The following SCAPER variants were observed in gnomAD, a reference collection of about 807,000 sequenced individuals.
The protein encoded by SCAPER is S-phase cyclin A associated protein in the ER.
In SCAPER, 98 loss-of-function variants were observed where a neutral mutation model predicts 182.2. The observed-to-expected ratio is 0.54, with a 90% confidence interval of 0.46 to 0.64. The LOEUF is 0.64. SCAPER is among the 30% of genes least tolerant of loss of function. The pLI, the probability that SCAPER is intolerant of heterozygous loss-of-function variation, is 0.00. For missense variants in SCAPER, 1,432 were observed against 1,690.0 expected (o/e 0.85, Z 2.68); for synonymous variants, 605 against 564.6 (o/e 1.07, Z -1.01).
chr15:76,553,249 T>C (rs985445761), intron 23 of SCAPER, among the ~76,000 whole-genome samples: 3 of 152,234 alleles, frequency 2.0e-5, no homozygotes, highest in African/African-American at 7.2e-5. Context: ...CAAGTGCCTG[T>C]GCAGATGCCA....
intron 17 of SCAPER, among the ~76,000 whole-genome samples, chr15:76,706,684 C>A (rs1361974862): frequency 6.6e-6 from 1 of 152,054 alleles, no homozygotes; most frequent in Non-Finnish European, 1.5e-5. Context: ...ATACTGAAAA[C>A]AGGAAGTTTA....
chr15:76,523,902 C>T (rs2043000208), intron 23 of SCAPER, among the ~76,000 whole-genome samples: 1 of 152,020 alleles, frequency 6.6e-6, no homozygotes. Context: ...TTCACTTAAC[C>T]TCTCCTACCT....
intron 21 of SCAPER, 28 bp downstream of exon 21, chr15:76,665,625 C>T: frequency 6.4e-7 from 1 of 1,555,490 alleles, no homozygotes; most frequent in Non-Finnish European, 8.6e-7. Context: ...AAAAGTTTTT[C>T]TTTTGCTTTT....
intron 8 of SCAPER, among the ~76,000 whole-genome samples, chr15:76,787,808 G>T (rs2064721502): frequency 1.3e-5 from 2 of 152,086 alleles, no homozygotes; most frequent in Non-Finnish European, 2.9e-5. Context: ...GGTAGACAAT[G>T]AATTCTTAGA....
intron 14 of SCAPER, among the ~76,000 whole-genome samples, chr15:76,759,063 T>C (rs1036055702): frequency 6.6e-6 from 1 of 152,176 alleles, no homozygotes; most frequent in African/African-American, 2.4e-5. Context: ...ATATAATGCA[T>C]TCATTTCTTC....
intron 23 of SCAPER, among the ~76,000 whole-genome samples, chr15:76,566,255 G>A (rs1271301613): frequency 1.3e-5 from 2 of 152,100 alleles, no homozygotes; most frequent in Non-Finnish European, 2.9e-5. Context: ...AATTTTACAA[G>A]ATAAGTTTTG....
At chr15:76,481,626 C>T (rs1238240275) in intron 24 of SCAPER, among the ~76,000 whole-genome samples, 1 of 152,162 alleles carries the variant, frequency 6.6e-6, no homozygotes, top group Non-Finnish European at 1.5e-5. Flanking sequence ...CCACTCAGGT[C>T]CAGAATTTTG....
chr15:76,384,179 T>C (rs2043146697), intron 27 of SCAPER, among the ~76,000 whole-genome samples: 1 of 152,198 alleles, frequency 6.6e-6, no homozygotes, highest in Admixed American at 6.5e-5. Context: ...CAGAAGATAT[T>C]TCTCCCTAAA....
chr15:76,504,686 G>A (rs1230285072), intron 24 of SCAPER, among the ~76,000 whole-genome samples, 173 bp downstream of exon 24: 1 of 152,184 alleles, frequency 6.6e-6, no homozygotes, highest in Non-Finnish European at 1.5e-5. Context: ...CTCAATTTGA[G>A]TTTCGTAAGT....
intron 20 of SCAPER, among the ~76,000 whole-genome samples, chr15:76,676,874 A>C (rs1408735004): frequency 2.0e-5 from 3 of 150,796 alleles, no homozygotes; most frequent in Non-Finnish European, 4.4e-5. Context: ...TTCTACAATA[A>C]ATATATATTA....
At chr15:76,719,636 T>C (rs977297055) in intron 17 of SCAPER, among the ~76,000 whole-genome samples, 28 of 152,176 alleles carry the variant, frequency 1.8e-4, no homozygotes, top group Admixed American at 1.8e-3. Flanking sequence ...ACTATCTATA[T>C]GTACACTACA....
chr15:76,582,126 A>G (rs1002559759), intron 22 of SCAPER, among the ~76,000 whole-genome samples: 2 of 152,202 alleles, frequency 1.3e-5, no homozygotes, highest in African/African-American at 4.8e-5. Flanking sequence ...GACAAGAGAA[A>G]GAAATGAAGG....
At chr15:76,593,917 T>C (rs1178261156) in intron 22 of SCAPER, among the ~76,000 whole-genome samples, 1 of 120,324 alleles carries the variant, frequency 8.3e-6, no homozygotes, top group Non-Finnish European at 2.0e-5. Flanking sequence ...AGGCCTCTTC[T>C]CCTCCAAAGG....
chr15:76,504,654 T>A (rs1052157120), intron 24 of SCAPER, among the ~76,000 whole-genome samples: 3 of 152,198 alleles, frequency 2.0e-5, no homozygotes, highest in Non-Finnish European at 4.4e-5. Flanking sequence ...CCAAAGAGAT[T>A]TCCTTTATAA....
At position 76,354,122 on chromosome 15, in the gene SCAPER, G is replaced by T; in HGVS notation, c.3874C>A (p.Arg1292Ser). Residue 1292 changes from arginine to serine, a missense_variant, in exon 30 of 32, where the codon CGC (arginine) becomes AGC (serine). Physicochemically the swap from Arg to Ser is moderately radical, Grantham distance 110. Around this residue, in one of 5 missense-constraint regions of SCAPER, gnomAD observed 718 missense variants for 799.7 expected, o/e 0.90. Transcript: ENST00000563290. This position sits in a 1 kb window ranked among gnomAD's most constrained non-coding sequence, Gnocchi z 4.4. ...PDNQVIVQSG[R>S]HPTVLQKLCQ... ...AGCTTCTGCAGCACTGTGGGGTGGCGGCCGGACTGCACGATCACCTGAAAT... is the reference window on the plus strand; with the variant it reads ...AGCTTCTGCAGCACTGTGGGGTGGCTGCCGGACTGCACGATCACCTGAAAT... 1 of 1,606,072 alleles carries T rather than the reference G, an allele frequency of 6.2e-7. No homozygotes were observed.
Position 76,434,314 on chromosome 15 carries a change from G to C in SCAPER, c.3079-4C>G, listed in dbSNP as rs1265755104. On this transcript the variant is annotated splice_polypyrimidine_tract_variant and splice_region_variant and intron_variant, in intron 25 of 31. Coordinates refer to ENST00000563290, the MANE Select transcript of SCAPER (RefSeq NM_020843.4). ...TATTTTCATCTGGAACATAAACCTA[G>C]ATGAAAAAAAAGTACAGTAAATATG... 1 of 1,577,178 alleles carries C rather than the reference G, an allele frequency of 6.3e-7. No homozygotes were observed. The highest frequency in any genetic ancestry group is 1.4e-5 in the African/African-American group (1 of 72,684).
chr15:76,788,933 C>G (rs2064812299), intron 8 of SCAPER, among the ~76,000 whole-genome samples: 1 of 152,156 alleles, frequency 6.6e-6, no homozygotes, highest in Non-Finnish European at 1.5e-5. Flanking sequence ...TTCTGAGTAG[C>G]TGGGACTACA....
At chr15:76,471,699 A>C (rs1052920380) in intron 24 of SCAPER, among the ~76,000 whole-genome samples, 13 of 152,216 alleles carry the variant, frequency 8.5e-5, no homozygotes, top group Admixed American at 3.9e-4. Context: ...GGGCTCTATC[A>C]AAGCTTCTGT....
At chr15:76,821,242 A>C (rs905561026) in intron 5 of SCAPER, among the ~76,000 whole-genome samples, 1 of 152,246 alleles carries the variant, frequency 6.6e-6, no homozygotes, top group Non-Finnish European at 1.5e-5. Context: ...TCTTCAGTAC[A>C]TGAATGAATA....
Sources: allele counts gnomAD v4.1 joint callset (sites outside exome capture counted in the v4.1 genomes callset), GRCh38; gene constraint gnomAD v4.1.1; regional missense constraint gnomAD v4.1.1; non-coding constraint Gnocchi (gnomAD v3.1); transcripts MANE v1.5; gene names NCBI Gene and HGNC (gene_info 2026-07-23, HGNC 2026-07-21).